FER1L6: variants seen among roughly 807,000 people sequenced by gnomAD.
FER1L6 encodes fer-1-like protein 6.
FER1L6 carries 177 observed loss-of-function variants against 219.2 expected under a neutral mutation model. The ratio of observed to expected loss-of-function variants is 0.81; its 90% confidence interval spans 0.71 to 0.91. The LOEUF is 0.91. Among genes scored for constraint, FER1L6 ranks in the 40% least tolerant of loss-of-function variants. The pLI is 0.00. For missense variants in FER1L6, 2,153 were observed against 2,259.9 expected, an observed-to-expected ratio of 0.95 and a Z score of 0.96; for synonymous variants, 768 against 824.3, an observed-to-expected ratio of 0.93 and a Z score of 1.17.
In FER1L6 at chr8:123,976,068, C is replaced by T; in HGVS notation, c.854C>T (p.Ser285Phe). ...CTGGTGGATCCCTTTGTGGAGGTCTCCTTTGCTGGGCAGATGGTGAGGAAC... is the reference window on the plus strand; with the variant it reads ...CTGGTGGATCCCTTTGTGGAGGTCTTCTTTGCTGGGCAGATGGTGAGGAAC... ...KDLVDPFVEV[S>F]FAGQMGRTTV... is the part of the protein sequence containing the mutation. Residue 285 changes from serine to phenylalanine, a missense_variant, in exon 9 of 41, where the codon TCC becomes TTC. Physicochemically the swap from Ser to Phe is radical, Grantham distance 155. Coordinates refer to ENST00000522917, the MANE Select transcript of FER1L6 (RefSeq NM_001039112.2). 3 of 1,612,518 alleles carry T rather than the reference C, an allele frequency of 1.9e-6. No individual in the cohort carries two copies. Among genetic ancestry groups the T allele is most frequent in the African/African-American group, 2.7e-5 (2 of 74,992 alleles).
At chr8:123,946,315 G>A (rs542705044) in intron 1 of FER1L6, among the ~76,000 whole-genome samples, 41 of 152,292 alleles carry the variant, frequency 2.7e-4, no homozygotes, top group Non-Finnish European at 5.0e-4. Context: ...GCAGTGGGGA[G>A]ATCTTGGCTC....
At chr8:123,957,487 A>G (rs184806308) in intron 2 of FER1L6, among the ~76,000 whole-genome samples, 24 of 152,306 alleles carry the variant, frequency 1.6e-4, no homozygotes, top group African/African-American at 5.5e-4. Context: ...ACTAGTATTT[A>G]TGACATATTT....
At chr8:124,003,533 G>A (rs1021301394) in intron 13 of FER1L6, among the ~76,000 whole-genome samples, 186 bp downstream of exon 13, 81 of 129,258 alleles carry the variant, frequency 6.3e-4, no homozygotes, top group African/African-American at 2.2e-3. Context: ...GCAGTGGCAC[G>A]ATCTCAGCTC....
intron 1 of FER1L6, among the ~76,000 whole-genome samples, chr8:123,920,469 G>A (rs529551486): frequency 1.3e-5 from 2 of 152,344 alleles, no homozygotes; most frequent in Non-Finnish European, 2.9e-5. Context: ...CGATTAGACT[G>A]GTTCTGTGGT....
At chr8:123,872,187 G>A (rs62518666) in intron 1 of FER1L6, among the ~76,000 whole-genome samples, 1 of 152,102 alleles carries the variant, frequency 6.6e-6, no homozygotes, top group Non-Finnish European at 1.5e-5. Context: ...CAAGGAGATG[G>A]CACTAAATCA....
intron 12 of FER1L6, among the ~76,000 whole-genome samples, chr8:124,001,739 T>C (rs1230176475): frequency 6.6e-6 from 1 of 152,238 alleles, no homozygotes; most frequent in Non-Finnish European, 1.5e-5. Flanking sequence ...TCACTAAATA[T>C]GAATCAAGAC....
At position 124,097,287 on chromosome 8, in the gene FER1L6, G is replaced by A. The variant is rs761366220; in HGVS notation, c.4712G>A (p.Trp1571Ter). The stretch of plus-strand genomic sequence containing the variant: ...CTTAACAAGGGCCGCCTGCAGATGT[G>A]GGTGGACATGTTTCCCAAGGATATG... Reference protein sequence around the residue: ...PGMEQGRLQMWVDMFPKDMPQ... With the variant: ...PGMEQGRLQM Residue 1571 changes from tryptophan to a stop codon, truncating the protein, a stop_gained, in exon 36 of 41, where the codon TGG (tryptophan) becomes TAG (stop). Coordinates refer to ENST00000522917, the MANE Select transcript of FER1L6 (RefSeq NM_001039112.2). LOFTEE classifies it high-confidence loss of function. 9 of 1,613,114 alleles carry A rather than the reference G, an allele frequency of 5.6e-6. No individual in the cohort carries two copies.
chr8:123,977,249 A>G (rs1230445760), intron 9 of FER1L6, among the ~76,000 whole-genome samples, 168 bp from the exon 10 acceptor site: 1 of 152,220 alleles, frequency 6.6e-6, no homozygotes, highest in Non-Finnish European at 1.5e-5. Flanking sequence ...GGTGTCCAGC[A>G]TAGAGCAGGT....
chr8:123,963,863 CT>C (rs1815412938), intron 3 of FER1L6, among the ~76,000 whole-genome samples: 1 of 152,242 alleles, frequency 6.6e-6, no homozygotes. Context: ...GCCCCCAGAT[CT>C]GTGGCTTAAT....
chr8:124,025,316 G>A (rs977266734), intron 18 of FER1L6, among the ~76,000 whole-genome samples: 8 of 152,004 alleles, frequency 5.3e-5, no homozygotes, highest in African/African-American at 1.9e-4. Context: ...TCAGGTCTCA[G>A]ATTTAAGTCT....
At chr8:124,078,980 C>A (rs998502307) in intron 32 of FER1L6, among the ~76,000 whole-genome samples, 1 of 152,300 alleles carries the variant, frequency 6.6e-6, no homozygotes, top group East Asian at 1.9e-4. Flanking sequence ...AAGGGAGCCT[C>A]TATTCCCTGC....
chr8:123,924,233 CAAAAA>C (rs71289625), intron 1 of FER1L6, among the ~76,000 whole-genome samples: 92 of 66,958 alleles, frequency 1.4e-3, no homozygotes, highest in African/African-American at 2.8e-3. Flanking sequence ...GACTCAGTAT[CAAAAA>C]AAAAAAAAAA....
At chr8:124,074,650 T>TAA (rs58971221) in intron 31 of FER1L6, among the ~76,000 whole-genome samples, 96 of 114,360 alleles carry the variant, frequency 8.4e-4, no homozygotes, top group Admixed American at 3.9e-3. Flanking sequence ...AGATACTGTC[T>TAA]AAAAAAAAAA....
At chr8:123,934,099 T>C (rs1361999511) in intron 1 of FER1L6, among the ~76,000 whole-genome samples, 2 of 152,156 alleles carry the variant, frequency 1.3e-5, no homozygotes, top group African/African-American at 4.8e-5. Flanking sequence ...AGGAAATTGG[T>C]ATAATACTAT....
At position 123,853,335 on chromosome 8, in the gene FER1L6, A is replaced by G. The variant is rs1242154698; in HGVS notation, c.-8+1150A>G. ...ACACCCGGCTAATTTCTGTATTTTT[A>G]GAGAAGACGGGGTTTCACCATGACG... is the stretch of plus-strand genomic sequence containing the variant. On this transcript the variant is annotated intron_variant, in intron 1 of 40. Transcript: ENST00000522917. This position sits in a 1 kb window ranked among gnomAD's most constrained non-coding sequence, Gnocchi z 6.6. Among the ~76,000 whole-genome samples the G allele has an allele frequency of 1.3e-5, 2 of 152,004 alleles. No homozygotes were observed. Among genetic ancestry groups the G allele is most frequent in the Admixed American group, 6.6e-5 (1 of 15,252 alleles).
intron 39 of FER1L6, among the ~76,000 whole-genome samples, chr8:124,115,746 G>A (rs891137572): frequency 6.6e-6 from 1 of 152,140 alleles, no homozygotes; most frequent in Non-Finnish European, 1.5e-5. Context: ...ACCGTATAGG[G>A]TACATGCTGT....
intron 12 of FER1L6, among the ~76,000 whole-genome samples, chr8:124,001,058 C>T (rs1817387860): frequency 6.6e-6 from 1 of 152,160 alleles, no homozygotes; most frequent in Non-Finnish European, 1.5e-5. Flanking sequence ...GGCCTAAGAA[C>T]ACATGGTCAT....
chr8:123,911,307 C>T (rs1415866599), intron 1 of FER1L6, among the ~76,000 whole-genome samples: 5 of 152,016 alleles, frequency 3.3e-5, no homozygotes, highest in African/African-American at 1.2e-4. Flanking sequence ...TGTTTTTGGG[C>T]CTTAACATTT....
At chr8:123,885,011 C>A (rs552929220) in intron 1 of FER1L6, among the ~76,000 whole-genome samples, 5 of 152,282 alleles carry the variant, frequency 3.3e-5, no homozygotes, top group African/African-American at 1.2e-4. Flanking sequence ...AAAGAACCAA[C>A]AGATCTGGAG....
Sources: gnomAD v4.1 joint callset for allele counts (sites outside exome capture counted in the v4.1 genomes callset) on GRCh38, gnomAD v4.1.1 for gene constraint, Gnocchi (gnomAD v3.1) non-coding constraint, MANE v1.5 for transcripts, NCBI Gene and HGNC (gene_info 2026-07-23, HGNC 2026-07-21) for gene names.